Variants in MECOM observed in about 807,000 individuals in gnomAD.
MECOM encodes histone-lysine N-methyltransferase MECOM.
Under a neutral mutation model 116.3 loss-of-function variants are expected in MECOM, and 13 were observed. The observed-to-expected ratio is 0.11, with a 90% CI of 0.07 to 0.18. The LOEUF (loss-of-function observed/expected upper bound fraction) is 0.18, where lower values mean the gene tolerates loss of function less well. MECOM is among the 10% of genes least tolerant of loss of function. The pLI is 1.00. For missense variants in MECOM, 1,299 were observed against 1,509.0 expected (o/e 0.86, Z 2.31); for synonymous variants, 528 against 535.2 (o/e 0.99, Z 0.19).
chr3:169,272,193 A>T (rs947982757), intron 2 of MECOM, among the ~76,000 whole-genome samples: 1 of 152,176 alleles, frequency 6.6e-6, no homozygotes, highest in Admixed American at 6.5e-5. Context: ...ACACTGTTAA[A>T]CGCAAAGGAG....
intron 1 of MECOM, among the ~76,000 whole-genome samples, chr3:169,646,394 A>C (rs188336949): frequency 1.1e-3 from 166 of 152,130 alleles, no homozygotes; most frequent in Middle Eastern, 6.8e-3. Flanking sequence ...GCACACCAAC[A>C]TGGCCGATGT....
At chr3:169,612,895 C>T (rs1037989548) in intron 1 of MECOM, among the ~76,000 whole-genome samples, 1 of 152,186 alleles carries the variant, frequency 6.6e-6, no homozygotes, top group Admixed American at 6.5e-5. Context: ...TGACACAACA[C>T]TATTTTCAGC....
At chr3:169,569,372 T>A (rs777767704) in intron 1 of MECOM, among the ~76,000 whole-genome samples, 13 of 152,126 alleles carry the variant, frequency 8.5e-5, no homozygotes, top group Non-Finnish European at 1.8e-4. Context: ...GACTCCCAGA[T>A]AATAATAGTG....
chr3:169,624,208 C>A (rs909913887), intron 1 of MECOM, among the ~76,000 whole-genome samples: 2 of 152,192 alleles, frequency 1.3e-5, no homozygotes, highest in Non-Finnish European at 2.9e-5. Flanking sequence ...TAGAATTTCA[C>A]AACTGGGAAA....
chr3:169,378,734 A>T (rs1014236246), intron 2 of MECOM, among the ~76,000 whole-genome samples: 1 of 151,992 alleles, frequency 6.6e-6, no homozygotes, highest in African/African-American at 2.4e-5. Flanking sequence ...CAGGAAATGT[A>T]TAAGAAGGGG....
chr3:169,525,606 C>T lies in MECOM; in HGVS notation c.37+137730G>A, dbSNP rs912817168. On this transcript the variant is annotated intron_variant, in intron 1 of 16. Transcript: ENST00000651503. ...GTTTTTTGTCTCCAAAAAGAGAGCA[C>T]GTATCAGGTAGTGAAGTAATTCCAG... Among the ~76,000 whole-genome samples, 16 of 152,118 alleles carry T rather than the reference C, an allele frequency of 1.1e-4. 1 individual carries two copies. Among genetic ancestry groups the T allele is most frequent in the Admixed American group, 9.2e-4 (14 of 15,274 alleles).
At chr3:169,218,413 C>T (rs898201688) in intron 2 of MECOM, among the ~76,000 whole-genome samples, 6 of 152,152 alleles carry the variant, frequency 3.9e-5, no homozygotes, top group African/African-American at 1.2e-4. Context: ...AAAGTTACTT[C>T]GGGCAATGAT....
chr3:169,323,493 G>A (rs921749748), intron 2 of MECOM, among the ~76,000 whole-genome samples: 14 of 152,208 alleles, frequency 9.2e-5, no homozygotes, highest in African/African-American at 3.4e-4. Context: ...GAGGCAGACA[G>A]ACAGGCAGGC....
chr3:169,189,382 G>T (rs926255737), intron 2 of MECOM, among the ~76,000 whole-genome samples: 1 of 151,850 alleles, frequency 6.6e-6, no homozygotes, highest in Non-Finnish European at 1.5e-5. Context: ...TTCAGTTAAG[G>T]CTCCTTGAGT....
At chr3:169,107,844 G>T in intron 10 of MECOM, 82 bp downstream of exon 10, 1 of 1,152,924 alleles carries the variant, frequency 8.7e-7, no homozygotes, top group Non-Finnish European at 1.3e-6. Flanking sequence ...AATTATTTAT[G>T]TCTGTACAGC....
intron 2 of MECOM, among the ~76,000 whole-genome samples, chr3:169,362,397 T>G (rs9883650): frequency 0.1 from 15,232 of 151,872 alleles, 949 homozygotes; most frequent in East Asian, 0.22. Flanking sequence ...CTTTTCCAAG[T>G]TCCCAAGTCT....
chr3:169,369,532 T>C (rs75636151), intron 2 of MECOM, among the ~76,000 whole-genome samples: 7,342 of 151,684 alleles, frequency 0.048, 216 homozygotes, highest in East Asian at 0.1. Context: ...TTATTTTTTG[T>C]AAAAATGGGG....
chr3:169,456,240 C>G (rs1746468826), intron 1 of MECOM, among the ~76,000 whole-genome samples: 1 of 152,114 alleles, frequency 6.6e-6, no homozygotes, highest in Non-Finnish European at 1.5e-5. Context: ...GGGTCCTGCT[C>G]TTGCTTTTAA....
chr3:169,380,040 A>G (rs1167683472), intron 2 of MECOM, among the ~76,000 whole-genome samples: 2 of 152,148 alleles, frequency 1.3e-5, no homozygotes, highest in Admixed American at 1.3e-4. Flanking sequence ...TTGAACAAGA[A>G]TTGCTTTTAT....
rs752024214 is a variant in MECOM, at chr3:169,089,020, G to T, written c.3565C>A (p.His1189Asn). ...HVPEELKQPL[H>N]RKSKSQAYAM... ...TGTACCTGCGATTTGGACTTTCTGT[G>T]TAACGGCTGCTTAAGTTCCTCTGGC... The change falls in exon 16 of 17, where the codon CAC becomes AAC. Residue 1189 changes from histidine to asparagine, a missense_variant. Coordinates refer to ENST00000651503, the MANE Select transcript of MECOM (RefSeq NM_004991.4). The T allele has an allele frequency of 5.6e-6, 9 of 1,600,930 alleles. No individual in the cohort carries two copies. The highest frequency in any genetic ancestry group is 1.7e-4 in the Middle Eastern group (1 of 6,010).
intron 2 of MECOM, among the ~76,000 whole-genome samples, chr3:169,367,129 T>C (rs1468301802): frequency 6.6e-6 from 1 of 152,018 alleles, no homozygotes; most frequent in Non-Finnish European, 1.5e-5. Flanking sequence ...AGTGTCTCTG[T>C]ATGACTGAAA....
chr3:169,228,057 C>T (rs1752953517), intron 2 of MECOM, among the ~76,000 whole-genome samples: 1 of 152,186 alleles, frequency 6.6e-6, no homozygotes, highest in African/African-American at 2.4e-5. Flanking sequence ...GTGCTCTCAT[C>T]ACAACAGACG....
At chr3:169,132,334 T>C (rs1465188302) in intron 3 of MECOM, among the ~76,000 whole-genome samples, 1 of 152,214 alleles carries the variant, frequency 6.6e-6, no homozygotes, top group Non-Finnish European at 1.5e-5. Flanking sequence ...AGCCACTGCC[T>C]TTCTCCTGAG....
intron 1 of MECOM, among the ~76,000 whole-genome samples, chr3:169,604,110 C>G (rs1052930862): frequency 6.6e-6 from 1 of 151,944 alleles, no homozygotes; most frequent in African/African-American, 2.4e-5. Flanking sequence ...AGGGGAGCAG[C>G]TAGAAAGAGA....
Sources: gnomAD v4.1 joint callset for allele counts (sites outside exome capture counted in the v4.1 genomes callset) on GRCh38, gnomAD v4.1.1 for gene constraint, MANE v1.5 for transcripts, NCBI Gene and HGNC (gene_info 2026-07-23, HGNC 2026-07-21) for gene names.